The following OPHN1 variants were observed in gnomAD, a reference collection of about 807,000 sequenced individuals.
OPHN1 encodes the protein oligophrenin 1.
OPHN1 carries 11 observed loss-of-function variants against 60.7 expected under a neutral mutation model. That is an observed-to-expected ratio of 0.18 (90% CI 0.11 to 0.30). The LOEUF is 0.30. OPHN1 is among the 10% of genes least tolerant of loss of function. The pLI is 1.00. For missense variants in OPHN1, 449 were observed against 611.0 expected (o/e 0.73, Z 2.80); for synonymous variants, 226 against 222.6 (o/e 1.02, Z -0.14).
At chrX:68,299,715 A>G (rs1846034873) in intron 2 of OPHN1, among the ~76,000 whole-genome samples, 1 of 112,481 alleles carries the variant, frequency 8.9e-6, no homozygotes, top group African/African-American at 3.2e-5. Flanking sequence ...AATGAAAACA[A>G]TCAGGGTGAC....
chrX:68,217,516 C>A (rs1029287992), intron 6 of OPHN1, among the ~76,000 whole-genome samples: 2 of 110,799 alleles, frequency 1.8e-5, no homozygotes, highest in Non-Finnish European at 3.8e-5. Context: ...CCTCTGCAGA[C>A]TTAAATGTCC....
At position 68,042,543 on chromosome X, in the gene OPHN1, A is replaced by G. The variant is rs182927447; in HGVS notation, c.*4629T>C. 8.1e-5 allele frequency: 9 copies of G among 111,142 alleles called. No homozygotes were observed. In the East Asian group the frequency reaches 2.6e-3, roughly 32 times the overall value. 9.2% of individuals were successfully genotyped at this position (111,142 alleles called of 1,213,427 possible). ...TTTATCGAAAACTTATCTTTAAGGT[A>G]TCTTGTCCTTCGCGAAGGACATGAA... On this transcript the variant is annotated 3_prime_UTR_variant, in exon 25 of 25. Coordinates refer to ENST00000355520, the MANE Select transcript of OPHN1 (RefSeq NM_002547.3).
At chrX:68,069,656 C>T (rs769481397) in intron 20 of OPHN1, among the ~76,000 whole-genome samples, 31 of 109,936 alleles carry the variant, frequency 2.8e-4, no homozygotes, top group Non-Finnish European at 5.7e-4. Context: ...TGTGAACAAA[C>T]AGAAGCAGGG....
At position 68,362,704 on chromosome X, in the gene OPHN1, T is replaced by G. The variant is rs190653630; in HGVS notation, c.155-63608A>C. On this transcript the variant is annotated intron_variant, in intron 2 of 24. Transcript: ENST00000355520. ...ACAGCACTGAAACTATTCTGTATGA[T>G]ACTGTAATGGTGGATACATGTCACT... is the stretch of plus-strand genomic sequence containing the variant. 5.1e-3 allele frequency among the ~76,000 whole-genome samples: 564 copies of G among 111,086 alleles called. 6 individuals carry two copies. Among genetic ancestry groups the G allele is most frequent in the African/African-American group, 0.018 (544 of 30,585 alleles).
At chrX:68,284,767 C>A (rs2078033409) in intron 3 of OPHN1, among the ~76,000 whole-genome samples, 1 of 111,792 alleles carries the variant, frequency 8.9e-6, no homozygotes, top group South Asian at 3.8e-4. Flanking sequence ...CTTGCCTACT[C>A]TAGACATTTC....
chrX:68,257,231 A>C (rs73212878), intron 5 of OPHN1, among the ~76,000 whole-genome samples: 3,130 of 112,146 alleles, frequency 0.028, 49 homozygotes, highest in Middle Eastern at 0.047. Context: ...CATTTATTAG[A>C]GCTTCCAGAA....
chrX:68,260,271 G>A (rs1021421810), intron 5 of OPHN1, among the ~76,000 whole-genome samples: 1 of 109,178 alleles, frequency 9.2e-6, no homozygotes, highest in Non-Finnish European at 1.9e-5. Flanking sequence ...GTAATCTTTC[G>A]TGACTGTTTT....
intron 5 of OPHN1, among the ~76,000 whole-genome samples, chrX:68,242,956 C>T (rs1323906111): frequency 9.0e-6 from 1 of 111,040 alleles, no homozygotes; most frequent in East Asian, 2.8e-4. Flanking sequence ...CAACCTTTGC[C>T]TCCTGGGTTC....
chrX:68,105,898 C>G (rs2077079408), intron 18 of OPHN1, among the ~76,000 whole-genome samples: 1 of 110,342 alleles, frequency 9.1e-6, no homozygotes, highest in African/African-American at 3.3e-5. Flanking sequence ...CCAGATTGGA[C>G]AAACACCTAT....
chrX:68,184,120 C>T (rs2077450749), intron 15 of OPHN1, among the ~76,000 whole-genome samples: 1 of 111,784 alleles, frequency 8.9e-6, no homozygotes, highest in African/African-American at 3.3e-5. Context: ...GGGTGCAGCA[C>T]ACCAACATGG....
chrX:68,290,319 C>T (rs919080339), intron 3 of OPHN1, among the ~76,000 whole-genome samples: 15 of 110,885 alleles, frequency 1.4e-4, no homozygotes, highest in Non-Finnish European at 2.1e-4. Context: ...AAAATTAGGG[C>T]CAGGTGCTGT....
In OPHN1 at chrX:68,433,396, T is replaced by C. The variant is rs2078895897; in HGVS notation, c.-233A>G. On this transcript the variant is annotated 5_prime_UTR_variant, in exon 1 of 25. Transcript: ENST00000355520. Reference sequence around the variant, plus strand: ...GATCCTTCCTGAGCAATTGCAAACGTGACACTTGGGCCCGCCCAAGGTGTA... The same window carrying C: ...GATCCTTCCTGAGCAATTGCAAACGCGACACTTGGGCCCGCCCAAGGTGTA... The C allele has an allele frequency of 3.6e-6, 1 of 277,568 alleles. No individual in the cohort carries two copies. Among genetic ancestry groups the C allele is most frequent in the South Asian group, 1.6e-4 (1 of 6,203 alleles). 22.9% of individuals were successfully genotyped at this position (277,568 alleles called of 1,213,427 possible).
rs761753695 is a variant in OPHN1 at position 68,255,724 on chromosome X, T to TAC, written c.384+19012_384+19013dup. Among the ~76,000 whole-genome samples the TAC allele has an allele frequency of 5.0e-4, 53 of 106,544 alleles. No homozygotes were observed. In the South Asian group the frequency reaches 0.015, roughly 30 times the overall value. 92.5% of individuals were successfully genotyped at this position (106,544 alleles called of 115,157 possible). On this transcript the variant is annotated intron_variant, in intron 5 of 24. Coordinates refer to ENST00000355520, the MANE Select transcript of OPHN1 (RefSeq NM_002547.3). ...TCCTTAAACTAAACCCCGCTCTACA[T>TAC]ACACACACACACACAAACACACACA...
intron 2 of OPHN1, among the ~76,000 whole-genome samples, chrX:68,397,417 C>T (rs2078690075): frequency 9.5e-6 from 1 of 105,137 alleles, no homozygotes; most frequent in Non-Finnish European, 1.9e-5. Flanking sequence ...AGCCTTATCA[C>T]ATCCTGAATC....
At chrX:68,092,713 A>G (rs1328406527) in intron 19 of OPHN1, among the ~76,000 whole-genome samples, 1 of 111,770 alleles carries the variant, frequency 8.9e-6, no homozygotes, top group Non-Finnish European at 1.9e-5. Context: ...ATGCCACATA[A>G]TATGCTTTGG....
At chrX:68,134,993 T>C (rs1461135792) in intron 15 of OPHN1, among the ~76,000 whole-genome samples, 1 of 111,405 alleles carries the variant, frequency 9.0e-6, no homozygotes, top group African/African-American at 3.3e-5. Context: ...TTATTGTTTC[T>C]GGAAAGGAAA....
chrX:68,231,054 G>C (rs894555587), intron 6 of OPHN1, among the ~76,000 whole-genome samples: 1 of 111,305 alleles, frequency 9.0e-6, no homozygotes, highest in Non-Finnish European at 1.9e-5. Flanking sequence ...ACACAAAGAA[G>C]TGGCATCAGA....
chrX:68,431,482 T>A (rs1387281914), intron 2 of OPHN1, among the ~76,000 whole-genome samples: 4 of 112,295 alleles, frequency 3.6e-5, no homozygotes, highest in Admixed American at 1.9e-4. Flanking sequence ...AATGGCACGG[T>A]CTCGGCTCAC....
chrX:68,212,852 C>A (rs997063542), intron 7 of OPHN1, among the ~76,000 whole-genome samples: 4 of 112,292 alleles, frequency 3.6e-5, no homozygotes, highest in Non-Finnish European at 7.5e-5. Flanking sequence ...TCAGCAACCA[C>A]AAACAATAGG....
Sources: allele counts gnomAD v4.1 joint callset (sites outside exome capture counted in the v4.1 genomes callset), GRCh38; gene constraint gnomAD v4.1.1; transcripts MANE v1.5; gene names NCBI Gene and HGNC (gene_info 2026-07-23, HGNC 2026-07-21).